The following SPTBN1 variants were observed in gnomAD, a reference collection of about 807,000 sequenced individuals.
The protein encoded by SPTBN1 is spectrin beta chain, non-erythrocytic 1.
Under a neutral mutation model 266.4 loss-of-function variants are expected in SPTBN1, and 32 were observed. The observed-to-expected ratio is 0.12, with a 90% CI of 0.09 to 0.16. The LOEUF is 0.16. SPTBN1 is among the 10% of genes least tolerant of loss of function. The pLI, the probability that SPTBN1 is intolerant of heterozygous loss-of-function variation, is 1.00. For missense variants in SPTBN1, 2,296 were observed against 3,067.1 expected (o/e 0.75, Z 5.94); for synonymous variants, 1,336 against 1,162.2 (o/e 1.15, Z -3.04).
chr2:54,569,175 G>A (rs1309528803), intron 2 of SPTBN1, among the ~76,000 whole-genome samples: 3 of 152,166 alleles, frequency 2.0e-5, no homozygotes, highest in Non-Finnish European at 4.4e-5. Flanking sequence ...AAGAAGAAAG[G>A]AACGGGGTGG....
chr2:54,587,725 G>A (rs907046214), intron 2 of SPTBN1, among the ~76,000 whole-genome samples: 5 of 152,154 alleles, frequency 3.3e-5, no homozygotes, highest in African/African-American at 1.2e-4. Context: ...TTGAAGGTGA[G>A]GGTGCAGCCT....
intron 1 of SPTBN1, among the ~76,000 whole-genome samples, chr2:54,470,855 C>T (rs757158277): frequency 1.3e-5 from 2 of 152,186 alleles, no homozygotes; most frequent in African/African-American, 2.4e-5. Flanking sequence ...TCATTAAATA[C>T]TGAGATTATC....
At position 54,645,440 on chromosome 2, in the gene SPTBN1, T is replaced by C; in HGVS notation, c.4481T>C (p.Val1494Ala). ...GAGATCCATCAGTTCAACAGGGATGTGGAGGACGAGATCGTGAGTCGACCC... is the reference window on the plus strand; with the variant it reads ...GAGATCCATCAGTTCAACAGGGATGCGGAGGACGAGATCGTGAGTCGACCC... The part of the protein sequence containing the change: ...SKEIHQFNRD[V>A]EDEILWVGER... The change falls in exon 21 of 36, where the codon GTG becomes GCG. Residue 1494 changes from valine (V) to alanine (A), a missense_variant. By Grantham distance (64) the Val-to-Ala change is moderately conservative (BLOSUM62 0). Coordinates refer to ENST00000356805, the MANE Select transcript of SPTBN1 (RefSeq NM_003128.3). This position sits in a 1 kb window ranked among gnomAD's most constrained non-coding sequence, Gnocchi z 4.3. The C allele has an allele frequency of 1.2e-6, 2 of 1,614,100 alleles. No homozygotes were observed. Among genetic ancestry groups the C allele is most frequent in the Non-Finnish European group, 1.7e-6 (2 of 1,180,010 alleles).
At chr2:54,466,422 C>T (rs1208940435) in intron 1 of SPTBN1, among the ~76,000 whole-genome samples, 2 of 87,474 alleles carry the variant, frequency 2.3e-5, no homozygotes, top group Non-Finnish European at 4.1e-5. Flanking sequence ...ATTAGCCGGG[C>T]GTGGTAGCGG....
rs1217273846 is a variant in SPTBN1 at position 54,670,073 on chromosome 2, C to T, written c.*1504C>T. The T allele has an allele frequency of 1.3e-5, 2 of 152,178 alleles. No homozygotes were observed. Among genetic ancestry groups the T allele is most frequent in the Non-Finnish European group, 2.9e-5 (2 of 68,030 alleles). The allele number at this position is 152,178 out of a possible 1,614,324, so 9.4% of individuals were successfully genotyped here. A position where few individuals can be genotyped will look rare whatever the true frequency, so the allele number is the denominator to read the frequency against. ...CATTGACGGTATGTGAATGCCTGGGCATGGCTGTGTTCCAGTAAAACTATT... is the reference window on the plus strand; with the variant it reads ...CATTGACGGTATGTGAATGCCTGGGTATGGCTGTGTTCCAGTAAAACTATT... On this transcript the variant is annotated 3_prime_UTR_variant, in exon 36 of 36. Transcript: ENST00000356805.
chr2:54,461,216 A>G (rs1484625711), intron 1 of SPTBN1, among the ~76,000 whole-genome samples: 1 of 152,172 alleles, frequency 6.6e-6, no homozygotes, highest in Non-Finnish European at 1.5e-5. Context: ...ATTATACTTT[A>G]TGTATTCTTC....
At chr2:54,588,531 G>A (rs1675449872) in intron 2 of SPTBN1, among the ~76,000 whole-genome samples, 1 of 152,130 alleles carries the variant, frequency 6.6e-6, no homozygotes, top group Non-Finnish European at 1.5e-5. Flanking sequence ...TTATTTGCTA[G>A]CAGCATGCCC....
intron 1 of SPTBN1, among the ~76,000 whole-genome samples, chr2:54,499,784 CCCTT>C (rs576513312): frequency 5.7e-4 from 87 of 152,266 alleles, no homozygotes; most frequent in African/African-American, 1.7e-3. Context: ...TTTGCTTTCC[CCCTT>C]CCTTTAGCCC....
intron 1 of SPTBN1, among the ~76,000 whole-genome samples, chr2:54,486,725 AAAT>A (rs957765540): frequency 1.3e-5 from 2 of 151,720 alleles, no homozygotes; most frequent in Non-Finnish European, 2.9e-5. Context: ...AATTAAAAAA[AAAT>A]AATAAATTAA....
chr2:54,559,540 A>T (rs13423873), intron 2 of SPTBN1, among the ~76,000 whole-genome samples: 10 of 152,120 alleles, frequency 6.6e-5, no homozygotes, highest in African/African-American at 2.2e-4. Context: ...GGCTCAGACA[A>T]TTGAATGAGT....
chr2:54,555,771 G>A (rs4671226), intron 2 of SPTBN1, among the ~76,000 whole-genome samples: 121,697 of 152,130 alleles, frequency 0.8, 49,285 homozygotes, highest in African/African-American at 0.94. Flanking sequence ...CTGTTTCCTG[G>A]GCATCCATGC....
rs1361979572 is a variant in SPTBN1, at chr2:54,668,722, G to A, written c.*153G>A. 5 of 674,124 alleles carry A rather than the reference G, an allele frequency of 7.4e-6. No individual in the cohort carries two copies. Among genetic ancestry groups the A allele is most frequent in the East Asian group, 3.3e-5 (1 of 30,550 alleles). The allele number at this position is 674,124 out of a possible 1,614,324, so 41.8% of individuals were successfully genotyped here. ...ATTTATAGAGCATTTCGGGGGGGGT[G>A]GGGGAAACACACCTAAACACTTTAT... On this transcript the variant is annotated 3_prime_UTR_variant, in exon 36 of 36. Coordinates refer to ENST00000356805, the MANE Select transcript of SPTBN1 (RefSeq NM_003128.3).
chr2:54,507,502 G>C (rs1190569690), intron 1 of SPTBN1, among the ~76,000 whole-genome samples: 1 of 152,146 alleles, frequency 6.6e-6, no homozygotes, highest in Non-Finnish European at 1.5e-5. Context: ...CGGGTTGTTA[G>C]AAGAAACATT....
At chr2:54,568,226 CA>C (rs1469980465) in intron 2 of SPTBN1, among the ~76,000 whole-genome samples, 2 of 151,336 alleles carry the variant, frequency 1.3e-5, no homozygotes, top group Non-Finnish European at 2.9e-5. Flanking sequence ...ACTAAAAATA[CA>C]AAAATCAGCC....
At chr2:54,657,487 G>A (rs540350206) in intron 29 of SPTBN1, among the ~76,000 whole-genome samples, 1 of 152,322 alleles carries the variant, frequency 6.6e-6, no homozygotes, top group African/African-American at 2.4e-5. Flanking sequence ...GAGATGGGCA[G>A]TGAATGTGTG....
rs1239632771 is a variant in SPTBN1, at chr2:54,670,389, T to A, written c.*1820T>A. 3 of 279,404 alleles carry A rather than the reference T, an allele frequency of 1.1e-5. No individual in the cohort carries two copies. The highest frequency in any genetic ancestry group is 2.0e-5 in the Non-Finnish European group (3 of 150,706). The allele number at this position is 279,404 out of a possible 1,614,324, so 17.3% of individuals were successfully genotyped here. A position where few individuals can be genotyped will look rare whatever the true frequency, so the allele number is the denominator to read the frequency against. ...ATTAGTATTATGGATGTCCAGTAAG[T>A]TATTCCACAAAGACCATGCCTAAGG... On this transcript the variant is annotated 3_prime_UTR_variant, in exon 36 of 36. Coordinates refer to ENST00000356805, the MANE Select transcript of SPTBN1 (RefSeq NM_003128.3).
chr2:54,612,016 G>T (rs1677249607), intron 3 of SPTBN1, 145 bp from the exon 4 acceptor site: 1 of 749,028 alleles, frequency 1.3e-6, no homozygotes, highest in Admixed American at 2.9e-5. Flanking sequence ...ACCGTCCTTG[G>T]ACTTAATGAG....
In SPTBN1 at chr2:54,649,484, T is replaced by A; in HGVS notation, c.5203-131T>A. The A allele has an allele frequency of 7.3e-7, 1 of 1,374,334 alleles. No homozygotes were observed. The highest frequency in any genetic ancestry group is 9.7e-7 in the Non-Finnish European group (1 of 1,028,410). The allele number at this position is 1,374,334 out of a possible 1,614,324, so 85.1% of individuals were successfully genotyped here. On this transcript the variant is annotated intron_variant, in intron 25 of 35. Transcript: ENST00000356805. This position sits in a 1 kb window ranked among gnomAD's most constrained non-coding sequence, Gnocchi z 6.7. ...AAGAGGTTCTCGAGCTAAGATCTAT[T>A]GTTCTGAAGTCATGAGTATTATTGG...
chr2:54,471,464 A>G (rs1693914616), intron 1 of SPTBN1, among the ~76,000 whole-genome samples: 2 of 144,664 alleles, frequency 1.4e-5, no homozygotes, highest in South Asian at 4.6e-4. Flanking sequence ...ATTCACTCAG[A>G]TGGTGGTCTG....
Sources: allele counts gnomAD v4.1 joint callset (sites outside exome capture counted in the v4.1 genomes callset), GRCh38; gene constraint gnomAD v4.1.1; non-coding constraint Gnocchi (gnomAD v3.1); transcripts MANE v1.5; gene names NCBI Gene and HGNC (gene_info 2026-07-23, HGNC 2026-07-21).